Variants in EHMT1 observed in about 807,000 individuals in gnomAD.
EHMT1 encodes histone-lysine N-methyltransferase EHMT1.
Under a neutral mutation model 147.2 loss-of-function variants are expected in EHMT1, and 15 were observed. That is an observed-to-expected ratio of 0.10 (90% confidence interval 0.07 to 0.16). The LOEUF (loss-of-function observed/expected upper bound fraction) is 0.16. Among genes scored for constraint, EHMT1 ranks in the 10% least tolerant of loss-of-function variants. EHMT1 has a pLI of 1.00. For missense variants in EHMT1, 1,587 were observed against 1,772.4 expected (o/e 0.90, Z 1.88); for synonymous variants, 795 against 709.6 (o/e 1.12, Z -1.91).
chr9:137,818,516 G>T (rs1257708067), intron 25 of EHMT1, among the ~76,000 whole-genome samples: 1 of 151,080 alleles, frequency 6.6e-6, no homozygotes, highest in African/African-American at 2.5e-5. Flanking sequence ...GAGGCTGAGG[G>T]GGGGCGCCAT....
rs1954680638 is a variant in EHMT1 at position 137,813,707 on chromosome 9, AG to A, written c.3180+179del. Among the ~76,000 whole-genome samples the A allele has an allele frequency of 3.3e-5, 5 of 152,000 alleles. No individual in the cohort carries two copies. The highest frequency in any genetic ancestry group is 7.4e-5 in the Non-Finnish European group (5 of 67,986). The stretch of plus-strand genomic sequence containing the variant: ...CGTGAAAGAGCTGGAAGGCAGATAA[AG>A]GTTCTGTCAGGCCCAGCCCTGGGCC... On this transcript the variant is annotated intron_variant, in intron 21 of 26. Coordinates refer to ENST00000460843, the MANE Select transcript of EHMT1 (RefSeq NM_024757.5). The surrounding 1 kb of genome is among the most constrained non-coding windows in gnomAD (Gnocchi z 4.9).
chr9:137,794,265 A>G lies in EHMT1; in HGVS notation c.2505+3295A>G, dbSNP rs568545943. On this transcript the variant is annotated intron_variant, in intron 16 of 26. Coordinates refer to ENST00000460843, the MANE Select transcript of EHMT1 (RefSeq NM_024757.5). ...TTATTTTCAATTTTTATTATAAACA[A>G]TGTTTCAGTAAACATTTTTATAGTT... 3.9e-5 allele frequency among the ~76,000 whole-genome samples: 6 copies of G among 152,354 alleles called. 1 individual carries two copies. The South Asian group carries it at 8.3e-4, about 21-fold the overall frequency.
At chr9:137,821,547 G>A (rs1361467766) in intron 25 of EHMT1, among the ~76,000 whole-genome samples, 3 of 151,776 alleles carry the variant, frequency 2.0e-5, no homozygotes, top group Non-Finnish European at 4.4e-5. Flanking sequence ...GCCCAGGCTC[G>A]TCTCAAATTC....
Position 137,819,639 on chromosome 9 carries a change from T to C in EHMT1, c.3540+1501T>C, listed in dbSNP as rs188870810. 3.0e-3 allele frequency among the ~76,000 whole-genome samples: 248 copies of C among 81,960 alleles called. 8 individuals carry two copies. The highest frequency in any genetic ancestry group is 0.021 in the East Asian group (45 of 2,116). The allele number at this position is 81,960 out of a possible 152,430, so 53.8% of individuals were successfully genotyped here. On this transcript the variant is annotated intron_variant, in intron 25 of 26. Transcript: ENST00000460843. ...ATTGAGGGGCGCCGTGTACCGAGAC[T>C]GTAGAGAGGCTGAGGGGGGGGGCGC...
chr9:137,711,353 A>G (rs757817488), intron 2 of EHMT1, among the ~76,000 whole-genome samples: 8 of 152,146 alleles, frequency 5.3e-5, no homozygotes, highest in Non-Finnish European at 1.0e-4. Context: ...AAAACCGGAG[A>G]CACTCCGGTG....
chr9:137,808,903 G>A (rs570413350), intron 18 of EHMT1, among the ~76,000 whole-genome samples: 1 of 152,240 alleles, frequency 6.6e-6, no homozygotes, highest in East Asian at 1.9e-4. Context: ...CAGCCTGGGT[G>A]ACGGAGTGAG....
chr9:137,823,833 C>T (rs1461300304), intron 25 of EHMT1, among the ~76,000 whole-genome samples: 1 of 152,252 alleles, frequency 6.6e-6, no homozygotes, highest in Non-Finnish European at 1.5e-5. Flanking sequence ...GCTGGGATTA[C>T]AGGCGTGAGC....
intron 1 of EHMT1, among the ~76,000 whole-genome samples, chr9:137,657,740 T>C (rs1015609463): frequency 2.6e-5 from 4 of 152,046 alleles, no homozygotes; most frequent in Non-Finnish European, 5.9e-5. Flanking sequence ...CACTTTGCTG[T>C]GCTATCAAGT....
chr9:137,780,464 G>A (rs1210866760), intron 14 of EHMT1, among the ~76,000 whole-genome samples: 2 of 133,942 alleles, frequency 1.5e-5, no homozygotes, highest in Non-Finnish European at 3.2e-5. Context: ...ACTGAGATGT[G>A]TGGTGATGAC....
chr9:137,757,052 G>A (rs1290356621), intron 8 of EHMT1, among the ~76,000 whole-genome samples: 3 of 152,214 alleles, frequency 2.0e-5, no homozygotes, highest in Non-Finnish European at 2.9e-5. Flanking sequence ...GCCCTTGGCC[G>A]GAGTTAGATA....
intron 1 of EHMT1, among the ~76,000 whole-genome samples, chr9:137,640,492 G>GT (rs1554824093): frequency 6.6e-6 from 1 of 151,918 alleles, no homozygotes; most frequent in Non-Finnish European, 1.5e-5. Context: ...GCTCAGGCTG[G>GT]TTTTGAACTC....
chr9:137,649,692 C>G (rs1452774216), intron 1 of EHMT1, among the ~76,000 whole-genome samples: 1 of 152,048 alleles, frequency 6.6e-6, no homozygotes, highest in African/African-American at 2.4e-5. Context: ...GAGGTGGGAG[C>G]CAAGTGTTGC....
At chr9:137,827,184 G>C (rs984594130) in intron 25 of EHMT1, among the ~76,000 whole-genome samples, 1 of 152,120 alleles carries the variant, frequency 6.6e-6, no homozygotes, top group African/African-American at 2.4e-5. Context: ...TGCCACACTC[G>C]CCTGATTCCT....
At chr9:137,695,837 C>T (rs1482829619) in intron 1 of EHMT1, among the ~76,000 whole-genome samples, 1 of 152,192 alleles carries the variant, frequency 6.6e-6, no homozygotes, top group South Asian at 2.1e-4. Context: ...ACCCACCTCT[C>T]GATGGTGGAG....
intron 1 of EHMT1, among the ~76,000 whole-genome samples, chr9:137,689,476 G>T (rs1942750385): frequency 6.6e-6 from 1 of 152,126 alleles, no homozygotes; most frequent in African/African-American, 2.4e-5. Flanking sequence ...AGGCGGAGGT[G>T]GGTGGATCAT....
intron 9 of EHMT1, among the ~76,000 whole-genome samples, chr9:137,760,201 G>C (rs548706607): frequency 6.6e-6 from 1 of 152,232 alleles, no homozygotes; most frequent in Non-Finnish European, 1.5e-5. Context: ...TTCGTTTGAT[G>C]TCCCTGGTAG....
At chr9:137,676,869 C>T (rs186431899) in intron 1 of EHMT1, among the ~76,000 whole-genome samples, 1 of 151,656 alleles carries the variant, frequency 6.6e-6, no homozygotes, top group East Asian at 1.9e-4. Flanking sequence ...AAGCAGGACT[C>T]CATCCCGCTT....
At chr9:137,641,252 G>T in intron 1 of EHMT1, 1 of 430,350 alleles carries the variant, frequency 2.3e-6, no homozygotes, top group Non-Finnish European at 4.7e-6. Flanking sequence ...CATTTGACTT[G>T]AAGAGTTTCC....
chr9:137,761,575 T>C (rs1233638037), intron 9 of EHMT1, among the ~76,000 whole-genome samples: 1 of 152,048 alleles, frequency 6.6e-6, no homozygotes, highest in Non-Finnish European at 1.5e-5. Context: ...TGCCTCAGCC[T>C]CCTGAGTAGC....
Sources: allele counts gnomAD v4.1 joint callset (sites outside exome capture counted in the v4.1 genomes callset), GRCh38; gene constraint gnomAD v4.1.1; non-coding constraint Gnocchi (gnomAD v3.1); transcripts MANE v1.5; gene names NCBI Gene and HGNC (gene_info 2026-07-23, HGNC 2026-07-21).